FCRL3: variants seen among roughly 807,000 people sequenced by gnomAD.
FCRL3 encodes the protein Fc receptor-like protein 3.
In FCRL3, 89 loss-of-function variants were observed where a neutral mutation model predicts 75.0. The ratio of observed to expected loss-of-function variants is 1.19; its 90% CI spans 1.00 to 1.42. The LOEUF (loss-of-function observed/expected upper bound fraction) is 1.42. Among genes scored for constraint, FCRL3 ranks in the 40% most tolerant of loss-of-function variants. The pLI is 0.00. For synonymous variants in FCRL3, 376 were observed against 348.5 expected (o/e 1.08, Z -0.88); for missense variants, 946 against 880.0 (o/e 1.07, Z -0.95).
chr1:157,679,830 C>CAAAAAAAAAA lies in FCRL3; in HGVS notation c.2026+862_2027-858dup, dbSNP rs1166825112. ...GGCGACAGAACGAGACCCCATCTCA[C>CAAAAAAAAAA]AAAAAAAAAAAAAAAAAAAAAAAAA... On this transcript the variant is annotated intron_variant, in intron 13 of 14. Transcript: ENST00000368184. Among the ~76,000 whole-genome samples the CAAAAAAAAAA allele has an allele frequency of 1.5e-3, 74 of 49,900 alleles. 5 individuals carry two copies. The highest frequency in any genetic ancestry group is 4.7e-3 in the African/African-American group (51 of 10,938). 32.7% of individuals were successfully genotyped at this position (49,900 alleles called of 152,430 possible). A position where few individuals can be genotyped will look rare whatever the true frequency, so the allele number is the denominator to read the frequency against.
Position 157,698,261 on chromosome 1 carries a change from A to G in FCRL3, c.298+123T>C, listed in dbSNP as rs982244663. 1.0e-5 allele frequency: 12 copies of G among 1,168,856 alleles called. No individual in the cohort carries two copies. The African/African-American group carries it at 1.5e-4, about 15-fold the overall frequency. The allele number at this position is 1,168,856 out of a possible 1,614,324, so 72.4% of individuals were successfully genotyped here. On this transcript the variant is annotated intron_variant, in intron 4 of 14. Transcript: ENST00000368184. ...GCTGCCCTATCTCTTTATTTTCCCC[A>G]CTGGGGTCAGTGCATCAATCCCCAT... is the stretch of plus-strand genomic sequence containing the variant.
In FCRL3 at chr1:157,678,176, C is replaced by T; in HGVS notation, c.*534G>A. ...GGTTGGGAATGTCACCCTGTAAGTA[C>T]AAAAATACACTTCAGATAGAGTCAC... On this transcript the variant is annotated 3_prime_UTR_variant, in exon 15 of 15. Coordinates refer to ENST00000368184, the MANE Select transcript of FCRL3 (RefSeq NM_052939.4). 14 of 986,310 alleles carry T rather than the reference C, an allele frequency of 1.4e-5. No homozygotes were observed. The highest frequency in any genetic ancestry group is 1.1e-4 in the East Asian group (1 of 8,812). The allele number at this position is 986,310 out of a possible 1,614,324, so 61.1% of individuals were successfully genotyped here.
intron 6 of FCRL3, 62 bp from the exon 7 acceptor site, chr1:157,696,389 A>T: frequency 6.3e-7 from 1 of 1,584,406 alleles, no homozygotes; most frequent in Non-Finnish European, 8.6e-7. Flanking sequence ...GTCAAGGGGA[A>T]GGCTGGAGCT....
intron 10 of FCRL3, among the ~76,000 whole-genome samples, chr1:157,687,857 G>T (rs1655270554): frequency 6.6e-6 from 1 of 151,600 alleles, no homozygotes; most frequent in Non-Finnish European, 1.5e-5. Context: ...CTGGGTGACA[G>T]GATCTGTACC....
In FCRL3 at chr1:157,678,115, T is replaced by C. The variant is rs1654578157; in HGVS notation, c.*595A>G. On this transcript the variant is annotated 3_prime_UTR_variant, in exon 15 of 15. Coordinates refer to ENST00000368184, the MANE Select transcript of FCRL3 (RefSeq NM_052939.4). ...TAAACTAGCAGAGTCTTTAATGAAA[T>C]GCTGAAGTTATTTTTCATCATAACT... 4.1e-6 allele frequency: 4 copies of C among 985,860 alleles called. No individual in the cohort carries two copies. The highest frequency in any genetic ancestry group is 4.8e-6 in the Non-Finnish European group (4 of 830,400). 61.1% of individuals were successfully genotyped at this position (985,860 alleles called of 1,614,324 possible). A position where few individuals can be genotyped will look rare whatever the true frequency, so the allele number is the denominator to read the frequency against.
chr1:157,688,093 A>T (rs1557826095), intron 10 of FCRL3, among the ~76,000 whole-genome samples: 4 of 152,174 alleles, frequency 2.6e-5, no homozygotes, highest in Non-Finnish European at 4.4e-5. Context: ...ACCTAATCAT[A>T]TCAATAATTA....
rs1655831332 is a variant in FCRL3, at chr1:157,695,555, C to T, written c.1185G>A (p.Val395=). The change falls in exon 8 of 15, where the codon GTG becomes GTA. Residue 395 remains valine (V), a synonymous_variant. Coordinates refer to ENST00000368184, the MANE Select transcript of FCRL3 (RefSeq NM_052939.4). ...LTFRAPRAHT[V]VGDLLELHCE... ...AGTGAAGCTCCAGCAGGTCCCCCAC[C>T]ACAGTGTGGGCCCTGGGAGCCCTGA... The T allele has an allele frequency of 1.9e-6, 3 of 1,614,040 alleles. No individual in the cohort carries two copies. Among genetic ancestry groups the T allele is most frequent in the Middle Eastern group, 1.6e-4 (1 of 6,062 alleles).
intron 10 of FCRL3, among the ~76,000 whole-genome samples, chr1:157,689,517 T>C (rs925211980): frequency 6.6e-6 from 1 of 152,194 alleles, no homozygotes; most frequent in Non-Finnish European, 1.5e-5. Context: ...AGGACTTTCT[T>C]AGGGAGATAG....
In FCRL3 at chr1:157,683,248, C is replaced by G. The variant is rs749893936; in HGVS notation, c.1811-4G>C. 1.2e-6 allele frequency: 2 copies of G among 1,613,312 alleles called. No homozygotes were observed. The highest frequency in any genetic ancestry group is 3.3e-5 in the Admixed American group (2 of 59,870). On this transcript the variant is annotated splice_polypyrimidine_tract_variant and splice_region_variant and intron_variant, in intron 10 of 14. Coordinates refer to ENST00000368184, the MANE Select transcript of FCRL3 (RefSeq NM_052939.4). ...GTTCCAGTGGCAGAAAGTCCTCCTG[C>G]AAAACAAACAAAGGAAGGTTGGTGG... is the stretch of plus-strand genomic sequence containing the variant.
chr1:157,689,455 C>T (rs928417480), intron 10 of FCRL3, among the ~76,000 whole-genome samples: 2 of 151,960 alleles, frequency 1.3e-5, no homozygotes, highest in African/African-American at 2.4e-5. Context: ...AAATATATCT[C>T]GGAGTTTATG....
intron 10 of FCRL3, among the ~76,000 whole-genome samples, chr1:157,687,451 A>T: frequency 8.1e-6 from 1 of 123,074 alleles, no homozygotes. Context: ...GCTCACAAAA[A>T]AATAAATCAT....
Position 157,690,352 on chromosome 1 carries a change from G to T in FCRL3, c.1593C>A (p.Asn531Lys). The T allele has an allele frequency of 1.2e-6, 2 of 1,614,200 alleles. No individual in the cohort carries two copies. Among genetic ancestry groups the T allele is most frequent in the South Asian group, 2.2e-5 (2 of 91,086 alleles). The change falls in exon 9 of 15, where the codon AAC becomes AAA. Residue 531 changes from asparagine (N) to lysine (K), a missense_variant. Transcript: ENST00000368184. Reference sequence around the variant, plus strand: ...CAGAATGTTCTGTAGTCAGAGAGAGGTTGAAGGATGCCCCTCCTCCAGAGT... The same window carrying T: ...CAGAATGTTCTGTAGTCAGAGAGAGTTTGAAGGATGCCCCTCCTCCAGAGT... ...SAHSGGGASF[N>K]LSLTTEHSGN... is the part of the protein sequence containing the mutation.
At chr1:157,685,581 C>T (rs1313215618) in intron 10 of FCRL3, among the ~76,000 whole-genome samples, 1 of 152,142 alleles carries the variant, frequency 6.6e-6, no homozygotes, top group East Asian at 1.9e-4. Flanking sequence ...GACAAAGAAA[C>T]TTGACACTTG....
chr1:157,690,596 A>C lies in FCRL3; in HGVS notation c.1412-63T>G, dbSNP rs574668566. The C allele has an allele frequency of 4.6e-4, 719 of 1,578,530 alleles. 2 individuals are homozygous for C. In the African/African-American group the frequency reaches 8.1e-3, roughly 18 times the overall value. Reference sequence around the variant, plus strand: ...AAGTAGGTATACAAGAGAACTTAATAAAGGAATATGCAGCATAGTTGAGTT... The same window carrying C: ...AAGTAGGTATACAAGAGAACTTAATCAAGGAATATGCAGCATAGTTGAGTT... On this transcript the variant is annotated intron_variant, in intron 8 of 14. Transcript: ENST00000368184.
At chr1:157,682,707 C>T (rs1654926139) in intron 11 of FCRL3, among the ~76,000 whole-genome samples, 1 of 152,200 alleles carries the variant, frequency 6.6e-6, no homozygotes, top group Non-Finnish European at 1.5e-5. Flanking sequence ...TAAACCTTGT[C>T]TTTTTTAAAA....
rs1655832977 is a variant in FCRL3 at position 157,695,567 on chromosome 1, C to G, written c.1173G>C (p.Arg391Ser). Reference sequence around the variant, plus strand: ...GCAGGTCCCCCACCACAGTGTGGGCCCTGGGAGCCCTGAAGGTGAGGACAG... The same window carrying G: ...GCAGGTCCCCCACCACAGTGTGGGCGCTGGGAGCCCTGAAGGTGAGGACAG... ...SHPVLTFRAP[R>S]AHTVVGDLLE... Residue 391 changes from arginine to serine, a missense_variant, in exon 8 of 15, where the codon AGG becomes AGC. Physicochemically the swap from Arg to Ser is moderately radical, Grantham distance 110. Coordinates refer to ENST00000368184, the MANE Select transcript of FCRL3 (RefSeq NM_052939.4). 6 of 1,613,474 alleles carry G rather than the reference C, an allele frequency of 3.7e-6. No homozygotes were observed. The highest frequency in any genetic ancestry group is 1.3e-5 in the African/African-American group (1 of 74,898).
At position 157,683,257 on chromosome 1, in the gene FCRL3, CAAAG is replaced by C. The variant is rs911830426; in HGVS notation, c.1811-17_1811-14del. ...GCAGAAAGTCCTCCTGCAAAACAAA[CAAAG>C]GAAGGTTGGTGGTAAGTGAGCTGTG... On this transcript the variant is annotated splice_polypyrimidine_tract_variant and intron_variant, in intron 10 of 14. Transcript: ENST00000368184. 10 of 1,613,316 alleles carry C rather than the reference CAAAG, an allele frequency of 6.2e-6. No individual in the cohort carries two copies. Among genetic ancestry groups the C allele is most frequent in the Non-Finnish European group, 7.6e-6 (9 of 1,179,650 alleles).
In FCRL3 at chr1:157,678,742, C is replaced by T. The variant is rs770073536; in HGVS notation, c.2173G>A (p.Val725Ile). ...EEDDEENYEN[V>I]PRVLLASDH ...TCTGAGGCCAGTAATACACGTGGTACATTCTCATAGTTTTCTTCATCATCT... is the reference window on the plus strand; with the variant it reads ...TCTGAGGCCAGTAATACACGTGGTATATTCTCATAGTTTTCTTCATCATCT... Residue 725 changes from valine (V) to isoleucine (I), a missense_variant, in exon 15 of 15, where the codon GTA (valine) becomes ATA (isoleucine). Val to Ile is a conservative substitution (Grantham distance 29). Coordinates refer to ENST00000368184, the MANE Select transcript of FCRL3 (RefSeq NM_052939.4). 2.5e-5 allele frequency: 40 copies of T among 1,614,034 alleles called. No homozygotes were observed. Among genetic ancestry groups the T allele is most frequent in the Non-Finnish European group, 3.2e-5 (38 of 1,180,004 alleles).
intron 8 of FCRL3, among the ~76,000 whole-genome samples, chr1:157,694,434 T>C: frequency 6.6e-6 from 1 of 152,226 alleles, no homozygotes; most frequent in East Asian, 1.9e-4. Flanking sequence ...CAAAATGTCA[T>C]AAGTGTTCTA....
Sources: gnomAD v4.1 joint callset for allele counts (sites outside exome capture counted in the v4.1 genomes callset) on GRCh38, gnomAD v4.1.1 for gene constraint, MANE v1.5 for transcripts, NCBI Gene and HGNC (gene_info 2026-07-23, HGNC 2026-07-21) for gene names.